The following IDI1 variants were observed in gnomAD, a reference collection of about 807,000 sequenced individuals.
IDI1 encodes the protein isopentenyl-diphosphate Delta-isomerase 1.
A neutral mutation model predicts 32.9 loss-of-function variants in IDI1; 23 were observed. The ratio of observed to expected loss-of-function variants is 0.70; its 90% confidence interval spans 0.50 to 0.99. The LOEUF (loss-of-function observed/expected upper bound fraction) is 0.99. Ranked by LOEUF, IDI1 falls within the 50% of genes least tolerant of loss-of-function variation. The probability of loss-of-function intolerance (pLI) is 0.00; values close to 1 mark genes in which losing one functional copy is unlikely to be tolerated. For missense variants in IDI1, 326 were observed against 351.9 expected (o/e 0.93, Z 0.59); for synonymous variants, 133 against 128.2 (o/e 1.04, Z -0.25).
intron 1 of IDI1, 180 bp from the exon 2 acceptor site, chr10:1,044,351 C>T (rs1832733184): frequency 1.9e-6 from 1 of 532,352 alleles, no homozygotes; most frequent in Middle Eastern, 4.8e-4. Context: ...ATTTCTCCTA[C>T]AGGTTTCACA....
intron 4 of IDI1, 74 bp from the exon 5 acceptor site, chr10:1,041,578 G>T: frequency 1.3e-6 from 1 of 744,922 alleles, no homozygotes; most frequent in Non-Finnish European, 2.1e-6. Context: ...TTAGCTCACT[G>T]TATTACAGCG....
intron 2 of IDI1, chr10:1,043,775 A>C: frequency 1.5e-6 from 1 of 675,498 alleles, no homozygotes; most frequent in South Asian, 1.5e-5. Flanking sequence ...ATGAATCCAG[A>C]ATAACTCTGA....
Position 1,043,474 on chromosome 10 carries a change from C to T in IDI1, c.314-81G>A, listed in dbSNP as rs149568343. On this transcript the variant is annotated intron_variant, in intron 2 of 4. Transcript: ENST00000381344. ...ATTCTCTCCCTGCAGTTCAGAATAA[C>T]ATTAGTAACTTGCTGCTGCTTTTGC... The T allele has an allele frequency of 3.3e-4, 285 of 853,060 alleles. No homozygotes were observed. The African/African-American group carries it at 3.8e-3, about 11-fold the overall frequency. 52.8% of individuals were successfully genotyped at this position (853,060 alleles called of 1,614,324 possible).
At chr10:1,055,810 G>A in the IDI1 span, among the ~76,000 whole-genome samples, 1 of 151,750 alleles carries the variant, frequency 6.6e-6, no homozygotes, top group African/African-American at 2.4e-5. Context: ...TTCATCTTGA[G>A]CTTCCTTATT....
chr10:1,050,304 T>A (rs972259179), upstream of IDI1, among the ~76,000 whole-genome samples: 5 of 152,236 alleles, frequency 3.3e-5, no homozygotes, highest in African/African-American at 1.2e-4. Context: ...ACAGATCTCT[T>A]TCATGTCTGG....
At chr10:1,044,258 C>G (rs1193777314) in intron 1 of IDI1, 87 bp from the exon 2 acceptor site, 2 of 994,832 alleles carry the variant, frequency 2.0e-6, no homozygotes, top group African/African-American at 1.6e-5. Flanking sequence ...TGCTGCTTCC[C>G]CATCTGCAGT....
At chr10:1,047,683 C>G (rs886563223) in intron 1 of IDI1, among the ~76,000 whole-genome samples, 1 of 152,256 alleles carries the variant, frequency 6.6e-6, no homozygotes, top group Non-Finnish European at 1.5e-5. Flanking sequence ...TCTGCGTCAG[C>G]GCACTCTGCT....
rs535536792 is a variant in IDI1 at position 1,040,964 on chromosome 10, C to T, written c.*223G>A. The T allele has an allele frequency of 1.5e-5, 6 of 403,322 alleles. No individual in the cohort carries two copies. The highest frequency in any genetic ancestry group is 6.4e-5 in the South Asian group (1 of 15,626). The allele number at this position is 403,322 out of a possible 1,614,324, so 25.0% of individuals were successfully genotyped here. On this transcript the variant is annotated 3_prime_UTR_variant, in exon 5 of 5. Transcript: ENST00000381344. ...TTTTACAATAATCTCTCACAAATGTCGCTTAGAAACAGAACACATATCCAG... is the reference window on the plus strand; with the variant it reads ...TTTTACAATAATCTCTCACAAATGTTGCTTAGAAACAGAACACATATCCAG...
At chr10:1,054,089 A>C (rs554768234), upstream of IDI1, among the ~76,000 whole-genome samples, 3 of 152,352 alleles carry the variant, frequency 2.0e-5, no homozygotes, top group East Asian at 5.8e-4. Context: ...CACTAATCAC[A>C]GATCACTATA....
chr10:1,047,911 G>A (rs905930478), intron 1 of IDI1, among the ~76,000 whole-genome samples: 2 of 152,186 alleles, frequency 1.3e-5, no homozygotes, highest in Non-Finnish European at 2.9e-5. Flanking sequence ...TGTGCAGTTG[G>A]TTAAATCCAT....
intron 1 of IDI1, among the ~76,000 whole-genome samples, chr10:1,045,529 C>CA (rs1832774890): frequency 6.6e-6 from 1 of 152,224 alleles, no homozygotes; most frequent in Non-Finnish European, 1.5e-5. Flanking sequence ...TGCAATGGTG[C>CA]AATCTCAGCT....
chr10:1,041,544 C>A (rs1832586435), intron 4 of IDI1, 40 bp from the exon 5 acceptor site: 1 of 1,175,376 alleles, frequency 8.5e-7, no homozygotes. Context: ...AAACATCGGC[C>A]ACCGTAACAA....
upstream of IDI1, chr10:1,049,275 G>C (rs1198553738): frequency 3.9e-6 from 2 of 515,534 alleles, no homozygotes; most frequent in East Asian, 7.6e-5. Context: ...GAGGCGCTGC[G>C]AACGGTGCCT....
chr10:1,040,390 C>G lies in IDI1; in HGVS notation c.*797G>C, dbSNP rs1317726305. Reference sequence around the variant, plus strand: ...GCAATGCACAGCACAGACCCCACCACAGGGGTTTTATCCAGCCCAAATGTC... The same window carrying G: ...GCAATGCACAGCACAGACCCCACCAGAGGGGTTTTATCCAGCCCAAATGTC... On this transcript the variant is annotated 3_prime_UTR_variant, in exon 5 of 5. Transcript: ENST00000381344. 1 of 152,282 alleles carries G rather than the reference C, an allele frequency of 6.6e-6. No individual in the cohort carries two copies. Among genetic ancestry groups the G allele is most frequent in the Non-Finnish European group, 1.5e-5 (1 of 68,086 alleles). The allele number at this position is 152,282 out of a possible 1,614,324, so 9.4% of individuals were successfully genotyped here.
chr10:1,040,242 A>G lies in IDI1; in HGVS notation c.*945T>C, dbSNP rs1315985568. 6.6e-6 allele frequency: 1 copy of G among 152,064 alleles called. No individual in the cohort carries two copies. Among genetic ancestry groups the G allele is most frequent in the Non-Finnish European group, 1.5e-5 (1 of 68,024 alleles). The allele number at this position is 152,064 out of a possible 1,614,324, so 9.4% of individuals were successfully genotyped here. ...GTTGTTGTTATTTTTTTCTCCCTAC[A>G]ATATTTCCTGACTCTGTAGGACAGT... On this transcript the variant is annotated 3_prime_UTR_variant, in exon 5 of 5. Coordinates refer to ENST00000381344, the MANE Select transcript of IDI1 (RefSeq NM_004508.4).
intron 1 of IDI1, chr10:1,048,562 G>A (rs991452528): frequency 8.2e-6 from 11 of 1,339,470 alleles, no homozygotes; most frequent in Admixed American, 3.2e-5. Flanking sequence ...AGTTCCACGA[G>A]TTCCTAAACC....
chr10:1,042,146 A>C (rs1316226815), intron 4 of IDI1, among the ~76,000 whole-genome samples: 3 of 152,106 alleles, frequency 2.0e-5, no homozygotes, highest in Non-Finnish European at 4.4e-5. Flanking sequence ...TGCTTTTTGG[A>C]AAATATAGAT....
chr10:1,041,548 G>A (rs543293090), intron 4 of IDI1, 44 bp from the exon 5 acceptor site: 95 of 1,143,484 alleles, frequency 8.3e-5, no homozygotes, highest in Non-Finnish European at 1.0e-4. Flanking sequence ...ATCGGCCACC[G>A]TAACAAAAAA....
At chr10:1,045,700 CAGG>C (rs1303896777) in intron 1 of IDI1, among the ~76,000 whole-genome samples, 1 of 152,252 alleles carries the variant, frequency 6.6e-6, no homozygotes, top group African/African-American at 2.4e-5. Context: ...CTCCTAACCT[CAGG>C]AGATCTGCCT....
Sources: allele counts gnomAD v4.1 joint callset (sites outside exome capture counted in the v4.1 genomes callset), GRCh38; gene constraint gnomAD v4.1.1; transcripts MANE v1.5; gene names NCBI Gene and HGNC (gene_info 2026-07-23, HGNC 2026-07-21).